Variants in ZMIZ1 observed in about 807,000 individuals in gnomAD.
The protein encoded by ZMIZ1 is zinc finger MIZ-type containing 1, also known as zinc finger MIZ domain-containing protein 1.
In ZMIZ1, 17 loss-of-function variants were observed where a neutral mutation model predicts 113.9. The ratio of observed to expected loss-of-function variants is 0.15; its 90% CI spans 0.10 to 0.22. ZMIZ1 has a LOEUF of 0.22. Ranked by LOEUF, ZMIZ1 falls within the 10% of genes least tolerant of loss-of-function variation. ZMIZ1 has a pLI of 1.00. For missense variants in ZMIZ1, 1,059 were observed against 1,477.8 expected (o/e 0.72, Z 4.65); for synonymous variants, 607 against 603.1 (o/e 1.01, Z -0.09).
chr10:79,173,589 C>A (rs1300617246), intron 4 of ZMIZ1, among the ~76,000 whole-genome samples: 1 of 152,134 alleles, frequency 6.6e-6, no homozygotes, highest in Non-Finnish European at 1.5e-5. Flanking sequence ...AGACAGAGAG[C>A]AAGGGACCTG....
intron 3 of ZMIZ1, among the ~76,000 whole-genome samples, chr10:79,150,444 T>G (rs1429821861): frequency 6.6e-6 from 1 of 152,224 alleles, no homozygotes; most frequent in East Asian, 1.9e-4. Flanking sequence ...CCACACATGC[T>G]AATGACTTAT....
At chr10:79,236,594 A>G (rs1313056) in intron 7 of ZMIZ1, among the ~76,000 whole-genome samples, 47,206 of 152,088 alleles carry the variant, frequency 0.31, 7,619 homozygotes, top group East Asian at 0.56. Context: ...CACCACCTCC[A>G]GCAGCCCCTT....
At chr10:79,143,111 C>T (rs988370640) in intron 3 of ZMIZ1, among the ~76,000 whole-genome samples, 1 of 152,168 alleles carries the variant, frequency 6.6e-6, no homozygotes, top group African/African-American at 2.4e-5. Context: ...AGTGCCCCCT[C>T]CAGGCCAGGC....
chr10:79,083,911 C>T (rs998672630), intron 1 of ZMIZ1, among the ~76,000 whole-genome samples: 1 of 152,124 alleles, frequency 6.6e-6, no homozygotes, highest in Admixed American at 6.5e-5. Flanking sequence ...CATAAGGTGG[C>T]CTTTTAACAG....
intron 1 of ZMIZ1, among the ~76,000 whole-genome samples, chr10:79,085,346 A>G (rs1842776648): frequency 6.6e-6 from 1 of 152,198 alleles, no homozygotes; most frequent in Non-Finnish European, 1.5e-5. Flanking sequence ...GTGGGGGTCA[A>G]GGGGCCAACA....
chr10:79,152,803 A>T (rs1845764191), intron 3 of ZMIZ1, among the ~76,000 whole-genome samples: 1 of 152,228 alleles, frequency 6.6e-6, no homozygotes, highest in Non-Finnish European at 1.5e-5. Flanking sequence ...AATCTGTACC[A>T]GTGTCAGCCA....
chr10:79,150,930 G>A (rs758112544), intron 3 of ZMIZ1, among the ~76,000 whole-genome samples: 2 of 152,040 alleles, frequency 1.3e-5, no homozygotes, highest in African/African-American at 2.4e-5. Context: ...CCTGGTGGGT[G>A]CTCTCTGACC....
At chr10:79,304,620 A>G (rs1854556846) in intron 19 of ZMIZ1, among the ~76,000 whole-genome samples, 1 of 152,198 alleles carries the variant, frequency 6.6e-6, no homozygotes, top group Admixed American at 6.5e-5. Flanking sequence ...CTGGAAGAAG[A>G]AGGAGCCGTC....
At position 79,069,672 on chromosome 10, in the gene ZMIZ1, GCCT is replaced by G. The variant is rs2132136879; in HGVS notation, c.-337+407_-337+409del. On this transcript the variant is annotated intron_variant, in intron 1 of 24. Coordinates refer to ENST00000334512, the MANE Select transcript of ZMIZ1 (RefSeq NM_020338.4). This position sits in a 1 kb window ranked among gnomAD's most constrained non-coding sequence, Gnocchi z 4.6. Reference sequence around the variant, plus strand: ...GGGAAGGACCGCCTCGGTCTCCTTCGCCTCCTCTGGGGAGATGCGAAGTTGTGC... The same window carrying G: ...GGGAAGGACCGCCTCGGTCTCCTTCGCCTCTGGGGAGATGCGAAGTTGTGC... Among the ~76,000 whole-genome samples the G allele has an allele frequency of 6.6e-6, 1 of 152,262 alleles. No individual in the cohort carries two copies. The highest frequency in any genetic ancestry group is 1.5e-5 in the Non-Finnish European group (1 of 67,992).
At chr10:79,288,523 C>A (rs79972266) in intron 8 of ZMIZ1, among the ~76,000 whole-genome samples, 6,390 of 148,154 alleles carry the variant, frequency 0.043, 202 homozygotes, top group Middle Eastern at 0.067. Flanking sequence ...AACACACATA[C>A]GCACACACAC....
intron 7 of ZMIZ1, among the ~76,000 whole-genome samples, chr10:79,246,857 G>T (rs1036635960): frequency 2.6e-5 from 4 of 152,230 alleles, no homozygotes; most frequent in Non-Finnish European, 2.9e-5. Flanking sequence ...CCCACTGGCC[G>T]GAGGGCCGAA....
intron 2 of ZMIZ1, among the ~76,000 whole-genome samples, chr10:79,136,219 G>C (rs923702633): frequency 6.6e-6 from 1 of 152,218 alleles, no homozygotes; most frequent in Non-Finnish European, 1.5e-5. Flanking sequence ...TAAAATGAGA[G>C]AATTGGACAA....
At chr10:79,218,683 G>A (rs12243224) in intron 7 of ZMIZ1, among the ~76,000 whole-genome samples, 1 of 151,930 alleles carries the variant, frequency 6.6e-6, no homozygotes, top group Non-Finnish European at 1.5e-5. Context: ...TGGCAAGGGG[G>A]TGTTGTTGAG....
chr10:79,074,111 A>G (rs945195710), intron 1 of ZMIZ1, among the ~76,000 whole-genome samples: 14 of 152,238 alleles, frequency 9.2e-5, no homozygotes, highest in Non-Finnish European at 1.9e-4. Context: ...TTTATCCCCA[A>G]TAACAACAGT....
intron 3 of ZMIZ1, among the ~76,000 whole-genome samples, chr10:79,151,487 G>A (rs1050703048): frequency 6.6e-6 from 1 of 152,210 alleles, no homozygotes; most frequent in Non-Finnish European, 1.5e-5. Context: ...GAGAAGCCTG[G>A]CACACTCATC....
intron 7 of ZMIZ1, among the ~76,000 whole-genome samples, chr10:79,254,091 GT>G (rs1424745147): frequency 6.6e-6 from 1 of 152,246 alleles, no homozygotes; most frequent in Non-Finnish European, 1.5e-5. Flanking sequence ...GAAGGAGGCT[GT>G]TTTCTTAAGC....
At chr10:79,255,540 G>T (rs962075580) in intron 7 of ZMIZ1, among the ~76,000 whole-genome samples, 8 of 152,134 alleles carry the variant, frequency 5.3e-5, no homozygotes, top group African/African-American at 1.9e-4. Context: ...TTGAGCCCGG[G>T]CATTCACCAG....
chr10:79,208,200 T>A, intron 5 of ZMIZ1, 136 bp from the exon 6 acceptor site: 2 of 657,662 alleles, frequency 3.0e-6, no homozygotes, highest in South Asian at 3.7e-5. Context: ...AACTTACTGA[T>A]CCCAGCTACC....
chr10:79,288,715 C>T (rs1311480988), intron 8 of ZMIZ1, among the ~76,000 whole-genome samples: 1 of 152,088 alleles, frequency 6.6e-6, no homozygotes, highest in Non-Finnish European at 1.5e-5. Flanking sequence ...TGGGGGCTGG[C>T]ACCCTGGCAG....
Sources: gnomAD v4.1 joint callset for allele counts (sites outside exome capture counted in the v4.1 genomes callset) on GRCh38, gnomAD v4.1.1 for gene constraint, Gnocchi (gnomAD v3.1) non-coding constraint, MANE v1.5 for transcripts, NCBI Gene and HGNC (gene_info 2026-07-23, HGNC 2026-07-21) for gene names.